Variants in MCM10 observed in about 807,000 individuals in gnomAD.
MCM10 encodes minichromosome maintenance 10 replication initiation factor.
A neutral mutation model predicts 109.9 loss-of-function variants in MCM10; 91 were observed. That is an observed-to-expected ratio of 0.83 (90% CI 0.70 to 0.99). The LOEUF (loss-of-function observed/expected upper bound fraction) is 0.99. Ranked by LOEUF, MCM10 falls within the 50% of genes least tolerant of loss-of-function variation. The probability of loss-of-function intolerance (pLI) is 0.00; values close to 1 mark genes in which losing one functional copy is unlikely to be tolerated. For synonymous variants in MCM10, 380 were observed against 387.2 expected, an observed-to-expected ratio of 0.98 and a Z score of 0.22; for missense variants, 1,077 against 1,061.2, an observed-to-expected ratio of 1.01 and a Z score of -0.21.
intron 13 of MCM10, among the ~76,000 whole-genome samples, chr10:13,194,449 G>A (rs563571241): frequency 1.3e-5 from 2 of 152,322 alleles, no homozygotes; most frequent in Middle Eastern, 3.4e-3. Context: ...GGGAGGCTGA[G>A]GCACGAGAAT....
chr10:13,188,771 G>T, intron 9 of MCM10, 110 bp from the exon 10 acceptor site: 1 of 915,906 alleles, frequency 1.1e-6, no homozygotes. Flanking sequence ...CAGCAGGGAG[G>T]ACTCTGCATG....
chr10:13,200,131 T>C (rs1834477919), intron 16 of MCM10, among the ~76,000 whole-genome samples: 1 of 147,130 alleles, frequency 6.8e-6, no homozygotes, highest in Non-Finnish European at 1.5e-5. Context: ...GACTGGCTAA[T>C]TTTTTTTTTT....
rs562924072 is a variant in MCM10, at chr10:13,192,315, C to T, written c.1577C>T (p.Thr526Met). The change falls in exon 12 of 20, where the codon ACG becomes ATG. Residue 526 changes from threonine to methionine, a missense_variant. Physicochemically the swap from Thr to Met is moderately conservative, Grantham distance 81 (BLOSUM62 -1). Transcript: ENST00000378714. ...EEFKELMDLP[T>M]CGARNLKQHL... ...TTCAAGGAACTGATGGACCTGCCGA[C>T]GTGTGGAGCCAGGAACTTAAAACAA... The T allele has an allele frequency of 3.7e-6, 6 of 1,614,060 alleles. No homozygotes were observed. Among genetic ancestry groups the T allele is most frequent in the East Asian group, 2.2e-5 (1 of 44,898 alleles).
chr10:13,186,762 C>T (rs1304322791), intron 9 of MCM10, among the ~76,000 whole-genome samples: 3 of 152,204 alleles, frequency 2.0e-5, no homozygotes, highest in South Asian at 2.1e-4. Context: ...GAGGTCGAGG[C>T]GGACAGATCA....
chr10:13,201,407 C>T lies in MCM10; in HGVS notation c.2239-14C>T, dbSNP rs754294247. 1 of 1,570,732 alleles carries T rather than the reference C, an allele frequency of 6.4e-7. No individual in the cohort carries two copies. On this transcript the variant is annotated splice_polypyrimidine_tract_variant and intron_variant, in intron 16 of 19. Coordinates refer to ENST00000378714, the MANE Select transcript of MCM10 (RefSeq NM_018518.5). ...ATTTAGTACCAGGTCTTTCATTATG[C>T]CCTGTCATTCCAGGCCGAGGCTGAG... is the stretch of plus-strand genomic sequence containing the variant.
intron 2 of MCM10, among the ~76,000 whole-genome samples, chr10:13,169,040 A>G (rs1343137071): frequency 6.6e-6 from 1 of 152,248 alleles, no homozygotes; most frequent in African/African-American, 2.4e-5. Flanking sequence ...GGCGTGTTCA[A>G]CATGGCGGCC....
chr10:13,175,197 G>C (rs1834124687), intron 5 of MCM10, among the ~76,000 whole-genome samples: 1 of 152,138 alleles, frequency 6.6e-6, no homozygotes, highest in Non-Finnish European at 1.5e-5. Context: ...ACTTTGGGAG[G>C]CCTAGGTGGG....
Position 13,209,739 on chromosome 10 carries a change from C to T in MCM10, c.*429C>T. On this transcript the variant is annotated 3_prime_UTR_variant, in exon 20 of 20. Coordinates refer to ENST00000378714, the MANE Select transcript of MCM10 (RefSeq NM_018518.5). ...CCAGGTAAGTAGCTTAACTTCTGGG[C>T]TTCAGTTTTCTCATCTGTAAAATCA... 6.2e-6 allele frequency: 1 copy of T among 162,362 alleles called. No homozygotes were observed. Among genetic ancestry groups the T allele is most frequent in the Non-Finnish European group, 1.3e-5 (1 of 74,356 alleles). 10.1% of individuals were successfully genotyped at this position (162,362 alleles called of 1,614,324 possible).
chr10:13,162,795 A>T (rs1483283574), intron 1 of MCM10, among the ~76,000 whole-genome samples: 2 of 152,182 alleles, frequency 1.3e-5, no homozygotes, highest in African/African-American at 4.8e-5. Context: ...ATTTTTAAAA[A>T]GCGGCCAGGC....
chr10:13,191,496 G>T, intron 11 of MCM10, 97 bp downstream of exon 11: 1 of 874,384 alleles, frequency 1.1e-6, no homozygotes, highest in South Asian at 1.5e-5. Context: ...ACACTGCTCC[G>T]GTGATGGGTA....
At chr10:13,178,172 C>T (rs997872217) in intron 6 of MCM10, among the ~76,000 whole-genome samples, 12 of 152,218 alleles carry the variant, frequency 7.9e-5, no homozygotes, top group African/African-American at 2.9e-4. Flanking sequence ...CAGCTCACTG[C>T]AACCTCTGCC....
At position 13,197,774 on chromosome 10, in the gene MCM10, C is replaced by T. The variant is rs1421767329; in HGVS notation, c.2119+7C>T. On this transcript the variant is annotated splice_region_variant and intron_variant, in intron 15 of 19. Coordinates refer to ENST00000378714, the MANE Select transcript of MCM10 (RefSeq NM_018518.5). Reference sequence around the variant, plus strand: ...ACCATGTTTTCTTCTCAAGGTACTGCAGTTTCACAGTTAACAGTGGGAAAG... The same window carrying T: ...ACCATGTTTTCTTCTCAAGGTACTGTAGTTTCACAGTTAACAGTGGGAAAG... 1.2e-6 allele frequency: 2 copies of T among 1,605,558 alleles called. No individual in the cohort carries two copies. Among genetic ancestry groups the T allele is most frequent in the East Asian group, 4.5e-5 (2 of 44,816 alleles).
chr10:13,207,737 G>A (rs535636550), intron 18 of MCM10, among the ~76,000 whole-genome samples: 21 of 152,144 alleles, frequency 1.4e-4, no homozygotes, highest in Admixed American at 7.2e-4. Flanking sequence ...CTCTTCCTTC[G>A]TCTTCCACCA....
intron 6 of MCM10, among the ~76,000 whole-genome samples, chr10:13,177,954 A>G (rs1588469253): frequency 6.6e-6 from 1 of 151,830 alleles, no homozygotes; most frequent in Non-Finnish European, 1.5e-5. Context: ...ATTGTTTGGG[A>G]GATCTGCTTA....
At chr10:13,188,787 T>C in intron 9 of MCM10, 94 bp from the exon 10 acceptor site, 1 of 1,086,146 alleles carries the variant, frequency 9.2e-7, no homozygotes, top group Non-Finnish European at 1.4e-6. Flanking sequence ...GCATGCGTCA[T>C]GTTCCGGGAA....
intron 13 of MCM10, among the ~76,000 whole-genome samples, chr10:13,193,100 T>C (rs547654761): frequency 6.6e-4 from 101 of 152,242 alleles, no homozygotes; most frequent in African/African-American, 2.3e-3. Context: ...TTGCCCAAGC[T>C]GGTCTCAAAT....
chr10:13,167,095 C>T (rs1047912721), intron 2 of MCM10, among the ~76,000 whole-genome samples: 2 of 151,684 alleles, frequency 1.3e-5, no homozygotes, highest in Non-Finnish European at 2.9e-5. Flanking sequence ...GCTAAGATTG[C>T]AACACTGCAC....
intron 9 of MCM10, among the ~76,000 whole-genome samples, chr10:13,188,337 G>C (rs1422028922): frequency 6.6e-6 from 1 of 152,142 alleles, no homozygotes; most frequent in Non-Finnish European, 1.5e-5. Context: ...ACAATATACA[G>C]TTAATCATTT....
At chr10:13,205,002 GTATATATATATA>G (rs576376587) in intron 18 of MCM10, among the ~76,000 whole-genome samples, 34 of 6,678 alleles carry the variant, frequency 5.1e-3, no homozygotes, top group Non-Finnish European at 6.6e-3. Context: ...ATGTATGTAT[GTATATATATATA>G]TATATATATA....
Sources: allele counts gnomAD v4.1 joint callset (sites outside exome capture counted in the v4.1 genomes callset), GRCh38; gene constraint gnomAD v4.1.1; transcripts MANE v1.5; gene names NCBI Gene and HGNC (gene_info 2026-07-23, HGNC 2026-07-21).